MITF: variants seen among roughly 807,000 people sequenced by gnomAD.
MITF encodes melanocyte inducing transcription factor.
MITF carries 17 observed loss-of-function variants against 60.5 expected under a neutral mutation model. The observed-to-expected ratio is 0.28, with a 90% CI of 0.19 to 0.42. MITF has a LOEUF of 0.42. MITF is among the 10% of genes least tolerant of loss of function. The pLI is 1.00. For missense variants in MITF, 622 were observed against 683.5 expected (o/e 0.91, Z 1.00); for synonymous variants, 260 against 248.5 (o/e 1.05, Z -0.43).
At chr3:69,842,544 T>A (rs1381625203) in intron 1 of MITF, among the ~76,000 whole-genome samples, 2 of 152,170 alleles carry the variant, frequency 1.3e-5, no homozygotes, top group Non-Finnish European at 2.9e-5. Context: ...ATGAGTGTGA[T>A]GCATAACACT....
intron 2 of MITF, among the ~76,000 whole-genome samples, chr3:69,921,983 C>T (rs780515048): frequency 6.6e-6 from 1 of 152,174 alleles, no homozygotes; most frequent in Non-Finnish European, 1.5e-5. Context: ...CCAAAAGTAT[C>T]TCCAGACATT....
intron 2 of MITF, among the ~76,000 whole-genome samples, chr3:69,920,028 A>G (rs1171247442): frequency 6.6e-6 from 1 of 152,180 alleles, no homozygotes; most frequent in Non-Finnish European, 1.5e-5. Flanking sequence ...GTTTGTAGCA[A>G]TTACTTTTTA....
At chr3:69,858,322 A>G (rs533548016) in intron 1 of MITF, among the ~76,000 whole-genome samples, 15 of 152,094 alleles carry the variant, frequency 9.9e-5, no homozygotes, top group Non-Finnish European at 2.1e-4. Flanking sequence ...TTGTGCAAAT[A>G]TTATTTTTCT....
At position 69,804,896 on chromosome 3, in the gene MITF, T is replaced by G. The variant is rs1165415108; in HGVS notation, c.104+65195T>G. ...GAAAGGCTATACAATAATTTTGTCC[T>G]GCTTATCAGAGCCATAAAACCACAT... On this transcript the variant is annotated intron_variant, in intron 1 of 9. Transcript: ENST00000352241. Among the ~76,000 whole-genome samples the G allele has an allele frequency of 2.0e-5, 3 of 152,230 alleles. No homozygotes were observed. The East Asian group carries it at 5.8e-4, about 29-fold the overall frequency.
chr3:69,749,758 CT>C (rs1213326077), intron 1 of MITF, among the ~76,000 whole-genome samples: 1 of 152,232 alleles, frequency 6.6e-6, no homozygotes, highest in Non-Finnish European at 1.5e-5. Flanking sequence ...AGGTCGGCCA[CT>C]GGCTTATGGT....
At chr3:69,751,862 G>C (rs1012723733) in intron 1 of MITF, among the ~76,000 whole-genome samples, 1 of 152,098 alleles carries the variant, frequency 6.6e-6, no homozygotes, top group Non-Finnish European at 1.5e-5. Flanking sequence ...GGGTCATGGA[G>C]GCAGTTTCTC....
intron 2 of MITF, among the ~76,000 whole-genome samples, chr3:69,921,016 C>A (rs376559769): frequency 6.6e-6 from 1 of 152,134 alleles, no homozygotes; most frequent in South Asian, 2.1e-4. Flanking sequence ...TACAGGCACA[C>A]GCCACCATGC....
chr3:69,841,965 C>T (rs192790253), intron 1 of MITF, among the ~76,000 whole-genome samples: 110 of 152,268 alleles, frequency 7.2e-4, no homozygotes, highest in Non-Finnish European at 1.3e-3. Flanking sequence ...ATACATTCTT[C>T]GGAGCAGTAT....
chr3:69,859,266 A>G (rs754974347), intron 1 of MITF, among the ~76,000 whole-genome samples: 3 of 152,186 alleles, frequency 2.0e-5, no homozygotes, highest in East Asian at 3.9e-4. Flanking sequence ...CACATCTTAT[A>G]CAAATTGGAG....
chr3:69,801,620 T>C (rs1021912281), intron 1 of MITF, among the ~76,000 whole-genome samples: 1 of 152,196 alleles, frequency 6.6e-6, no homozygotes, highest in Non-Finnish European at 1.5e-5. Context: ...AACTGTGATA[T>C]ATTTTACATG....
At chr3:69,946,623 A>C (rs565369378) in intron 5 of MITF, among the ~76,000 whole-genome samples, 1 of 152,266 alleles carries the variant, frequency 6.6e-6, no homozygotes, top group South Asian at 2.1e-4. Flanking sequence ...CCCCCAGCAA[A>C]ATATTCTGCC....
chr3:69,753,848 T>C (rs1704029033), intron 1 of MITF, among the ~76,000 whole-genome samples: 1 of 152,360 alleles, frequency 6.6e-6, no homozygotes, highest in East Asian at 1.9e-4. Flanking sequence ...ACTTGTTTTT[T>C]AATTTATAGG....
At chr3:69,905,619 T>C (rs2065082639) in intron 2 of MITF, among the ~76,000 whole-genome samples, 1 of 152,166 alleles carries the variant, frequency 6.6e-6, no homozygotes, top group South Asian at 2.1e-4. Flanking sequence ...GAGAGTTCTA[T>C]TTCCTTATAT....
chr3:69,948,979 A>T, intron 5 of MITF, 72 bp from the exon 6 acceptor site: 1 of 1,080,688 alleles, frequency 9.3e-7, no homozygotes. Flanking sequence ...CTAGAGTAGG[A>T]TATAGGTTTT....
At chr3:69,925,416 A>G (rs182749320) in intron 2 of MITF, among the ~76,000 whole-genome samples, 22 of 152,268 alleles carry the variant, frequency 1.4e-4, no homozygotes, top group Admixed American at 8.5e-4. Flanking sequence ...TGTGTGCACC[A>G]TTTATAACAA....
At chr3:69,956,552 T>C in intron 8 of MITF, 22 bp downstream of exon 8, 1 of 1,586,866 alleles carries the variant, frequency 6.3e-7, no homozygotes, top group African/African-American at 1.3e-5. Flanking sequence ...CGCGTGTTAA[T>C]CTGCATCATA....
intron 1 of MITF, among the ~76,000 whole-genome samples, chr3:69,780,186 A>G (rs2106872104): frequency 6.6e-6 from 1 of 152,232 alleles, no homozygotes; most frequent in East Asian, 1.9e-4. Flanking sequence ...GCCACGTGGA[A>G]ACGATGTTAG....
chr3:69,894,276 T>G (rs1306706522), intron 2 of MITF, among the ~76,000 whole-genome samples: 1 of 152,244 alleles, frequency 6.6e-6, no homozygotes, highest in Non-Finnish European at 1.5e-5. Flanking sequence ...CAGAGTGTTT[T>G]CATTGCTAAT....
In MITF at chr3:69,964,896, C is replaced by T. The variant is rs369552358; in HGVS notation, c.1229C>T (p.Thr410Met). The T allele has an allele frequency of 3.8e-5, 62 of 1,613,968 alleles. No homozygotes were observed. Among genetic ancestry groups the T allele is most frequent in the Admixed American group, 6.7e-5 (4 of 60,002 alleles). The part of the protein sequence containing the change: ...RAHGLSLIPS[T>M]GLCSPDLVNR... ...CATGGACTTTCCCTTATTCCATCCA[C>T]GGGTCTCTGCTCTCCAGATTTGGTG... The change falls in exon 10 of 10, where the codon ACG becomes ATG. Residue 410 changes from threonine (T) to methionine (M), a missense_variant. This residue lies in a region of MITF where 224 missense variants were observed against 209.5 expected (regional missense o/e 1.07). Transcript: ENST00000352241.
Sources: gnomAD v4.1 joint callset for allele counts (sites outside exome capture counted in the v4.1 genomes callset) on GRCh38, gnomAD v4.1.1 for gene constraint, gnomAD v4.1.1 regional missense constraint, MANE v1.5 for transcripts, NCBI Gene and HGNC (gene_info 2026-07-23, HGNC 2026-07-21) for gene names.